KIF27: variants seen among roughly 807,000 people sequenced by gnomAD.
KIF27 encodes the protein kinesin-like protein KIF27.
KIF27 carries 84 observed loss-of-function variants against 141.8 expected under a neutral mutation model. That is an observed-to-expected ratio of 0.59 (90% confidence interval 0.50 to 0.71). KIF27 has a LOEUF of 0.71. Ranked by LOEUF, KIF27 falls within the 30% of genes least tolerant of loss-of-function variation. The pLI, the probability that KIF27 is intolerant of heterozygous loss-of-function variation, is 0.00. For synonymous variants in KIF27, 471 were observed against 569.5 expected (o/e 0.83, Z 2.46); for missense variants, 1,306 against 1,628.4 (o/e 0.80, Z 3.41).
At chr9:83,876,716 T>C (rs1456443445) in intron 11 of KIF27, among the ~76,000 whole-genome samples, 1 of 152,224 alleles carries the variant, frequency 6.6e-6, no homozygotes, top group Admixed American at 6.5e-5. Context: ...AGGATAGACA[T>C]ATAGACCTAT....
At position 83,891,337 on chromosome 9, in the gene KIF27, C is replaced by T; in HGVS notation, c.1767G>A (p.Leu589=). Residue 589 remains leucine (L), a synonymous_variant, in exon 6 of 18, where the codon TTG becomes TTA. Coordinates refer to ENST00000297814, the MANE Select transcript of KIF27 (RefSeq NM_017576.4). Reference sequence around the variant, plus strand: ...TTGATGGGATATAAATATAATGCCCCAAATGAGTATCAAATGGTACAGTAT... The same window carrying T: ...TTGATGGGATATAAATATAATGCCCTAAATGAGTATCAAATGGTACAGTAT... The part of the protein sequence containing the change: ...RPYTVPFDTH[L]GHYIYIPSRQ... The T allele has an allele frequency of 1.9e-6, 3 of 1,613,338 alleles. No homozygotes were observed. The South Asian group carries it at 3.3e-5, about 18-fold the overall frequency.
rs1442535464 is a variant in KIF27, at chr9:83,836,324, G to T, written c.*677C>A. Among the ~76,000 whole-genome samples the T allele has an allele frequency of 6.6e-6, 1 of 152,072 alleles. No homozygotes were observed. The highest frequency in any genetic ancestry group is 1.5e-5 in the Non-Finnish European group (1 of 68,024). Reference sequence around the variant, plus strand: ...TCCCAGTTTTAGTAACATAATGAGAGATATATTGAGTGTATAGAGCAGGAA... The same window carrying T: ...TCCCAGTTTTAGTAACATAATGAGATATATATTGAGTGTATAGAGCAGGAA... On this transcript the variant is annotated 3_prime_UTR_variant, in exon 18 of 18. Coordinates refer to ENST00000297814, the MANE Select transcript of KIF27 (RefSeq NM_017576.4).
At position 83,848,075 on chromosome 9, in the gene KIF27, A is replaced by ATCATATATCTGATATATC. The variant is rs373093955; in HGVS notation, c.3556+2023_3556+2024insGATATATCAGATATATGA. Among the ~76,000 whole-genome samples the ATCATATATCTGATATATC allele has an allele frequency of 3.0e-4, 20 of 66,506 alleles. 4 individuals are homozygous for ATCATATATCTGATATATC. Among genetic ancestry groups the ATCATATATCTGATATATC allele is most frequent in the African/African-American group, 6.1e-4 (8 of 13,168 alleles). The allele number at this position is 66,506 out of a possible 152,430, so 43.6% of individuals were successfully genotyped here. ...TATCTATATATCATATATATGATAT[A>ATCATATATCTGATATATC]TGATATATCATATATATGATATATA... On this transcript the variant is annotated intron_variant, in intron 16 of 17. Transcript: ENST00000297814.
chr9:83,896,069 A>C (rs868633395), intron 5 of KIF27, among the ~76,000 whole-genome samples: 31 of 149,402 alleles, frequency 2.1e-4, no homozygotes, highest in African/African-American at 4.9e-4. Flanking sequence ...AAAAAAAAAA[A>C]AAAAAACAAA....
intron 16 of KIF27, chr9:83,848,542 A>G (rs1195550201): frequency 8.2e-5 from 12 of 145,868 alleles, no homozygotes; most frequent in Non-Finnish European, 1.6e-4. Flanking sequence ...ATCTATGTAT[A>G]TACATATATC....
At chr9:83,907,244 C>A (rs550364704) in intron 3 of KIF27, among the ~76,000 whole-genome samples, 1 of 149,214 alleles carries the variant, frequency 6.7e-6, no homozygotes, top group South Asian at 2.1e-4. Context: ...GAGCCCAGAT[C>A]GCGCCACTGC....
At chr9:83,898,889 G>A (rs1328208710) in intron 5 of KIF27, 8 of 152,484 alleles carry the variant, frequency 5.2e-5, no homozygotes, top group African/African-American at 1.7e-4. Context: ...CTGGGAGGTC[G>A]AGGCTGCAGT....
intron 2 of KIF27, among the ~76,000 whole-genome samples, chr9:83,911,140 C>T (rs1209225564): frequency 6.6e-6 from 1 of 152,162 alleles, no homozygotes; most frequent in African/African-American, 2.4e-5. Context: ...AATCATGGCT[C>T]ACTACAGCCT....
At chr9:83,880,122 A>G (rs1444527465) in intron 11 of KIF27, 175 bp downstream of exon 11, 16 of 884,884 alleles carry the variant, frequency 1.8e-5, no homozygotes, top group African/African-American at 5.1e-5. Context: ...TCAAAATTCA[A>G]TAAGTAGGTT....
chr9:83,910,260 T>C (rs1354719614), intron 2 of KIF27, among the ~76,000 whole-genome samples: 1 of 152,132 alleles, frequency 6.6e-6, no homozygotes, highest in Non-Finnish European at 1.5e-5. Flanking sequence ...ATAAAAATGT[T>C]GGTGCTTTTA....
At chr9:83,914,211 C>CAA (rs374605136) in intron 2 of KIF27, among the ~76,000 whole-genome samples, 62 of 127,116 alleles carry the variant, frequency 4.9e-4, no homozygotes, top group Admixed American at 2.0e-3. Context: ...ATTTGCCAAT[C>CAA]AAAAAAAAAA....
chr9:83,890,128 G>C (rs1174946207), intron 6 of KIF27, among the ~76,000 whole-genome samples: 1 of 152,156 alleles, frequency 6.6e-6, no homozygotes, highest in Non-Finnish European at 1.5e-5. Flanking sequence ...TGGAATATGA[G>C]TATCACACAG....
At chr9:83,845,612 G>A (rs931068655) in intron 16 of KIF27, among the ~76,000 whole-genome samples, 8 of 152,198 alleles carry the variant, frequency 5.3e-5, no homozygotes, top group Non-Finnish European at 8.8e-5. Flanking sequence ...GACAGCTGTG[G>A]CACTACAGCC....
intron 17 of KIF27, among the ~76,000 whole-genome samples, chr9:83,838,300 C>A (rs527718465): frequency 6.6e-6 from 1 of 151,858 alleles, no homozygotes; most frequent in South Asian, 2.1e-4. Flanking sequence ...GTGGCGTGAT[C>A]TCGGCTCACT....
At chr9:83,884,896 T>G (rs1180828110) in intron 9 of KIF27, among the ~76,000 whole-genome samples, 1 of 152,202 alleles carries the variant, frequency 6.6e-6, no homozygotes, top group Non-Finnish European at 1.5e-5. Context: ...ATTCTTTTCT[T>G]ATTAATATAT....
intron 5 of KIF27, among the ~76,000 whole-genome samples, chr9:83,895,388 TCA>T (rs1175067075): frequency 1.3e-5 from 2 of 152,140 alleles, no homozygotes; most frequent in East Asian, 1.9e-4. Context: ...ATAAAAATTC[TCA>T]GTTATTTCCT....
chr9:83,917,530 A>G (rs2132849529), intron 1 of KIF27, among the ~76,000 whole-genome samples: 1 of 152,346 alleles, frequency 6.6e-6, no homozygotes, highest in African/African-American at 2.4e-5. Flanking sequence ...AGAACAAAGT[A>G]AGAGGACTCA....
At chr9:83,881,178 C>T (rs1198332400) in intron 10 of KIF27, among the ~76,000 whole-genome samples, 1 of 151,884 alleles carries the variant, frequency 6.6e-6, no homozygotes, top group Non-Finnish European at 1.5e-5. Flanking sequence ...TCTTAAATTC[C>T]TTCTCATCTA....
At chr9:83,898,638 AGTTTT>A (rs767485708) in intron 5 of KIF27, 2 of 152,110 alleles carry the variant, frequency 1.3e-5, no homozygotes, top group Admixed American at 6.6e-5. Context: ...TATATACTTT[AGTTTT>A]ATGTTTTTAA....
Sources: allele counts gnomAD v4.1 joint callset (sites outside exome capture counted in the v4.1 genomes callset), GRCh38; gene constraint gnomAD v4.1.1; transcripts MANE v1.5; gene names NCBI Gene and HGNC (gene_info 2026-07-23, HGNC 2026-07-21).